The following FHIT variants were observed in gnomAD, a reference collection of about 807,000 sequenced individuals.
FHIT encodes bis(5'-adenosyl)-triphosphatase.
FHIT carries 19 observed loss-of-function variants against 17.9 expected under a neutral mutation model. The observed-to-expected ratio is 1.06, with a 90% CI of 0.74 to 1.56. The LOEUF is 1.56. Among genes scored for constraint, FHIT ranks in the 40% most tolerant of loss-of-function variants. The pLI is 0.00. For missense variants in FHIT, 248 were observed against 189.2 expected, an observed-to-expected ratio of 1.31 and a Z score of -1.82; for synonymous variants, 81 against 69.7, an observed-to-expected ratio of 1.16 and a Z score of -0.81.
In FHIT at chr3:59,749,352, G is replaced by A. The variant is rs947356299; in HGVS notation, c.*233C>T. On this transcript the variant is annotated 3_prime_UTR_variant, in exon 10 of 10. Coordinates refer to ENST00000492590, the MANE Select transcript of FHIT (RefSeq NM_002012.4). ...GTTTAATCATAAGGCTGCCGAATAA[G>A]GAGACAGGGGGAAACCTCAAATCTG... 30 of 231,370 alleles carry A rather than the reference G, an allele frequency of 1.3e-4. No homozygotes were observed. In the Middle Eastern group the frequency reaches 3.7e-3, roughly 29 times the overall value. 14.3% of individuals were successfully genotyped at this position (231,370 alleles called of 1,614,324 possible).
Position 61,154,288 on chromosome 3 carries a change from A to G in FHIT, c.-164+46329T>C, listed in dbSNP as rs567136625. ...AATGAACCGAACATATTACTGGAGT[A>G]ACAATTGACATTAAGTATATTACAG... On this transcript the variant is annotated intron_variant, in intron 2 of 9. Transcript: ENST00000492590. Among the ~76,000 whole-genome samples the G allele has an allele frequency of 2.5e-4, 38 of 152,314 alleles. 1 individual carries two copies. Among genetic ancestry groups the G allele is most frequent in the African/African-American group, 8.7e-4 (36 of 41,576 alleles).
At chr3:61,198,708 C>T (rs571956353) in intron 2 of FHIT, among the ~76,000 whole-genome samples, 181 of 152,214 alleles carry the variant, frequency 1.2e-3, no homozygotes, top group African/African-American at 4.0e-3. Context: ...TTCCAGAGGC[C>T]TCACTTCCTG....
In FHIT at chr3:60,701,923, G is replaced by A. The variant is rs1174139111; in HGVS notation, c.-18+119996C>T. On this transcript the variant is annotated intron_variant, in intron 4 of 9. Transcript: ENST00000492590. ...ACCCAGGAATGAACAAGGAAAGCTT[G>A]GAGGTTAGAAGCAAGATGGAATCAG... Among the ~76,000 whole-genome samples, 3 of 152,334 alleles carry A rather than the reference G, an allele frequency of 2.0e-5. No homozygotes were observed. The South Asian group carries it at 6.2e-4, about 32-fold the overall frequency.
chr3:60,402,130 A>T (rs1005463474), intron 5 of FHIT, among the ~76,000 whole-genome samples: 1 of 152,164 alleles, frequency 6.6e-6, no homozygotes, highest in Admixed American at 6.6e-5. Context: ...CTTGCATTCT[A>T]CTTAAAGAAG....
Position 59,840,383 on chromosome 3 carries a change from T to G in FHIT, c.348+81963A>C, listed in dbSNP as rs1256751116. Among the ~76,000 whole-genome samples, 44 of 95,690 alleles carry G rather than the reference T, an allele frequency of 4.6e-4. 1 individual carries two copies. The Admixed American group carries it at 5.9e-3, about 13-fold the overall frequency. The allele number at this position is 95,690 out of a possible 152,430, so 62.8% of individuals were successfully genotyped here. A position where few individuals can be genotyped will look rare whatever the true frequency, so the allele number is the denominator to read the frequency against. Reference sequence around the variant, plus strand: ...AGGAAGGTGCATCATGTCACCAGATTATCCCCCTTTAAAAAAAAAAAAAAA... The same window carrying G: ...AGGAAGGTGCATCATGTCACCAGATGATCCCCCTTTAAAAAAAAAAAAAAA... On this transcript the variant is annotated intron_variant, in intron 8 of 9. Transcript: ENST00000492590.
intron 8 of FHIT, among the ~76,000 whole-genome samples, chr3:59,820,851 C>G (rs1309275221): frequency 6.6e-6 from 1 of 152,096 alleles, no homozygotes; most frequent in African/African-American, 2.4e-5. Flanking sequence ...GGCAGAAGCA[C>G]AGAAGTTGTG....
chr3:60,877,633 T>A (rs1303543637), intron 3 of FHIT, among the ~76,000 whole-genome samples: 1 of 152,174 alleles, frequency 6.6e-6, no homozygotes, highest in Non-Finnish European at 1.5e-5. Context: ...ACATTGCCCC[T>A]TGGGGAATCA....
chr3:60,796,959 T>C (rs1003883443), intron 4 of FHIT, among the ~76,000 whole-genome samples: 5 of 152,226 alleles, frequency 3.3e-5, no homozygotes, highest in African/African-American at 1.2e-4. Context: ...TTCTTGAAAT[T>C]TCCTGCAATT....
chr3:59,837,056 A>C (rs79249758), intron 8 of FHIT, among the ~76,000 whole-genome samples: 2 of 152,198 alleles, frequency 1.3e-5, no homozygotes, highest in Non-Finnish European at 2.9e-5. Context: ...GAGAAAAAAA[A>C]GAGTTCAGTT....
chr3:60,657,756 T>C (rs1468692563), intron 4 of FHIT, among the ~76,000 whole-genome samples: 1 of 152,162 alleles, frequency 6.6e-6, no homozygotes, highest in Non-Finnish European at 1.5e-5. Flanking sequence ...ATCTTCAATA[T>C]TGGATTACCC....
At chr3:60,129,053 GT>G (rs72428863) in intron 5 of FHIT, among the ~76,000 whole-genome samples, 7,957 of 123,164 alleles carry the variant, frequency 0.065, 141 homozygotes, top group South Asian at 0.13. Context: ...TTTTTTGTTT[GT>G]TTTTTTTTTT....
At chr3:60,591,387 C>T (rs2038078944) in intron 4 of FHIT, among the ~76,000 whole-genome samples, 1 of 130,766 alleles carries the variant, frequency 7.6e-6, no homozygotes, top group African/African-American at 2.9e-5. Flanking sequence ...ATGGACTTAA[C>T]AGACTGAGAC....
At chr3:60,016,625 C>T (rs1373309786) in intron 5 of FHIT, among the ~76,000 whole-genome samples, 1 of 152,198 alleles carries the variant, frequency 6.6e-6, no homozygotes, top group Non-Finnish European at 1.5e-5. Flanking sequence ...CATTACAACA[C>T]AGAGAGATGA....
intron 3 of FHIT, among the ~76,000 whole-genome samples, chr3:61,018,084 T>C (rs1006280758): frequency 6.6e-6 from 1 of 152,156 alleles, no homozygotes; most frequent in African/African-American, 2.4e-5. Flanking sequence ...ATATGCATGA[T>C]CTAATTTAAT....
intron 3 of FHIT, among the ~76,000 whole-genome samples, chr3:60,845,496 T>C (rs1553746201): frequency 6.6e-6 from 1 of 152,152 alleles, no homozygotes; most frequent in African/African-American, 2.4e-5. Context: ...TTAAGGACAG[T>C]TGCCATGTGT....
At chr3:61,089,712 C>T (rs757818216) in intron 2 of FHIT, among the ~76,000 whole-genome samples, 3 of 152,164 alleles carry the variant, frequency 2.0e-5, no homozygotes, top group Non-Finnish European at 4.4e-5. Flanking sequence ...ATTTCAAAGA[C>T]TCATTGTGTG....
At chr3:61,168,302 C>T (rs1165737122) in intron 2 of FHIT, among the ~76,000 whole-genome samples, 1 of 152,102 alleles carries the variant, frequency 6.6e-6, no homozygotes, top group Non-Finnish European at 1.5e-5. Flanking sequence ...TGGCCCTTTA[C>T]AAAAGAAGTT....
At chr3:60,622,959 C>T (rs1234042623) in intron 4 of FHIT, among the ~76,000 whole-genome samples, 1 of 152,182 alleles carries the variant, frequency 6.6e-6, no homozygotes, top group Non-Finnish European at 1.5e-5. Context: ...TACACACATT[C>T]ATGACTTCAA....
chr3:60,300,741 A>G (rs1708425279), intron 5 of FHIT, among the ~76,000 whole-genome samples: 1 of 152,126 alleles, frequency 6.6e-6, no homozygotes, highest in African/African-American at 2.4e-5. Flanking sequence ...GCATTGATCC[A>G]GCAACTATTG....
Sources: allele counts gnomAD v4.1 joint callset (sites outside exome capture counted in the v4.1 genomes callset), GRCh38; gene constraint gnomAD v4.1.1; transcripts MANE v1.5; gene names NCBI Gene and HGNC (gene_info 2026-07-23, HGNC 2026-07-21).